Variants in PTPRO observed in about 807,000 individuals in gnomAD.
PTPRO encodes receptor-type tyrosine-protein phosphatase O.
PTPRO carries 62 observed loss-of-function variants against 145.2 expected under a neutral mutation model. That is an observed-to-expected ratio of 0.43 (90% CI 0.35 to 0.53). The LOEUF (loss-of-function observed/expected upper bound fraction) is 0.53. Among genes scored for constraint, PTPRO ranks in the 20% least tolerant of loss-of-function variants. PTPRO has a pLI of 0.01. For synonymous variants in PTPRO, 565 were observed against 514.7 expected, an observed-to-expected ratio of 1.10 and a Z score of -1.32; for missense variants, 1,345 against 1,482.7, an observed-to-expected ratio of 0.91 and a Z score of 1.53.
intron 17 of PTPRO, among the ~76,000 whole-genome samples, chr12:15,562,424 AC>A (rs2135589402): frequency 6.6e-6 from 1 of 152,282 alleles, no homozygotes; most frequent in East Asian, 1.9e-4. Flanking sequence ...CCAGACGCAC[AC>A]TGCCTAACAC....
Position 15,551,419 on chromosome 12 carries a change from G to C in PTPRO, c.2438-132G>C, listed in dbSNP as rs564352049. On this transcript the variant is annotated intron_variant, in intron 14 of 26. Transcript: ENST00000281171. ...AGGAAGAGGTCATTGCTGGCTTGGG[G>C]AACATGATTGTTACTATTATTGGTA... The C allele has an allele frequency of 1.3e-5, 15 of 1,195,816 alleles. No homozygotes were observed. The African/African-American group carries it at 1.9e-4, about 16-fold the overall frequency. 74.1% of individuals were successfully genotyped at this position (1,195,816 alleles called of 1,614,324 possible).
At chr12:15,458,522 C>T (rs987721123) in intron 1 of PTPRO, among the ~76,000 whole-genome samples, 1 of 151,610 alleles carries the variant, frequency 6.6e-6, no homozygotes, top group Admixed American at 6.6e-5. Flanking sequence ...GAGCTTTTAT[C>T]ACTCTTTTTC....
chr12:15,566,067 A>C, intron 18 of PTPRO, among the ~76,000 whole-genome samples: 1 of 152,214 alleles, frequency 6.6e-6, no homozygotes, highest in East Asian at 1.9e-4. Context: ...CTTTCTCAAG[A>C]AACCTGTATA....
At chr12:15,546,444 A>G (rs1024759638) in intron 12 of PTPRO, 125 bp from the exon 13 acceptor site, 3 of 1,499,658 alleles carry the variant, frequency 2.0e-6, no homozygotes, top group Admixed American at 4.5e-5. Flanking sequence ...AAGGCAATAT[A>G]AAGTCTTTAT....
chr12:15,464,884 A>T (rs1020776973), intron 1 of PTPRO, among the ~76,000 whole-genome samples: 2 of 152,212 alleles, frequency 1.3e-5, no homozygotes, highest in African/African-American at 4.8e-5. Flanking sequence ...CATTGTCATT[A>T]GAACTTGTAC....
chr12:15,515,737 A>G, intron 8 of PTPRO, 119 bp downstream of exon 8: 2 of 1,293,446 alleles, frequency 1.5e-6, no homozygotes, highest in Non-Finnish European at 2.2e-6. Flanking sequence ...TAGTTCATCC[A>G]ATATGCTACC....
intron 1 of PTPRO, among the ~76,000 whole-genome samples, chr12:15,362,071 A>G (rs1384014285): frequency 6.6e-6 from 1 of 152,146 alleles, no homozygotes; most frequent in Non-Finnish European, 1.5e-5. Flanking sequence ...CCTTCTCTCC[A>G]TTCTCATATC....
At chr12:15,381,132 A>G (rs1006692818) in intron 1 of PTPRO, among the ~76,000 whole-genome samples, 1 of 152,196 alleles carries the variant, frequency 6.6e-6, no homozygotes, top group Non-Finnish European at 1.5e-5. Context: ...TCTAGTTTCT[A>G]CAATTAATTA....
At chr12:15,552,054 G>A (rs570244352) in intron 15 of PTPRO, among the ~76,000 whole-genome samples, 2 of 107,216 alleles carry the variant, frequency 1.9e-5, no homozygotes, top group South Asian at 3.4e-4. Context: ...AAGAAAGAAC[G>A]GGGTGGGGGG....
chr12:15,458,770 G>A (rs1019190307), intron 1 of PTPRO, among the ~76,000 whole-genome samples: 1 of 151,818 alleles, frequency 6.6e-6, no homozygotes, highest in Non-Finnish European at 1.5e-5. Flanking sequence ...ACCTCATTGA[G>A]CATCTTTCTG....
rs1944685782 is a variant in PTPRO at position 15,597,728 on chromosome 12, T to A, written c.*1655T>A. 6.6e-6 allele frequency among the ~76,000 whole-genome samples: 1 copy of A among 152,206 alleles called. No individual in the cohort carries two copies. Among genetic ancestry groups the A allele is most frequent in the Admixed American group, 6.5e-5 (1 of 15,282 alleles). On this transcript the variant is annotated 3_prime_UTR_variant, in exon 27 of 27. Coordinates refer to ENST00000281171, the MANE Select transcript of PTPRO (RefSeq NM_030667.3). ...TACCCTGCAGGTTAACAGCTTGGGC[T>A]CCTCAGGGGTTGTCAGTTCCTACTC...
At chr12:15,336,683 G>A (rs1023734714) in intron 1 of PTPRO, among the ~76,000 whole-genome samples, 5 of 152,198 alleles carry the variant, frequency 3.3e-5, no homozygotes, top group Non-Finnish European at 7.3e-5. Flanking sequence ...GCATTTGGCA[G>A]TGTACTGATC....
In PTPRO at chr12:15,361,153, A is replaced by G. The variant is rs181597667; in HGVS notation, c.75+38352A>G. ...ATCACTTGCTGCAGAAATTCAGAAC[A>G]TGGGTCGGGCGTGGTGGCTCACGTC... On this transcript the variant is annotated intron_variant, in intron 1 of 26. Transcript: ENST00000281171. 1.1e-3 allele frequency among the ~76,000 whole-genome samples: 162 copies of G among 151,880 alleles called. 1 individual carries two copies. The highest frequency in any genetic ancestry group is 3.4e-3 in the Middle Eastern group (1 of 294).
intron 10 of PTPRO, among the ~76,000 whole-genome samples, chr12:15,524,033 C>T (rs773333810): frequency 6.6e-6 from 1 of 151,686 alleles, no homozygotes; most frequent in South Asian, 2.1e-4. Flanking sequence ...TGGACTCAAG[C>T]GATCCACCCA....
intron 2 of PTPRO, among the ~76,000 whole-genome samples, chr12:15,490,574 G>T (rs1941980010): frequency 1.3e-5 from 2 of 152,122 alleles, no homozygotes; most frequent in African/African-American, 4.8e-5. Flanking sequence ...AAAACAGGTG[G>T]CAGGGCAGAT....
intron 7 of PTPRO, among the ~76,000 whole-genome samples, chr12:15,514,474 G>GAAAAAACAGT (rs1942534456): frequency 7.7e-6 from 1 of 129,166 alleles, no homozygotes; most frequent in African/African-American, 2.9e-5. Flanking sequence ...AAAAAAAAAA[G>GAAAAAACAGT]AAAGAACAGT....
chr12:15,547,916 G>A (rs1943337215), intron 13 of PTPRO, among the ~76,000 whole-genome samples: 1 of 152,126 alleles, frequency 6.6e-6, no homozygotes, highest in Non-Finnish European at 1.5e-5. Flanking sequence ...ATCTTTTGCT[G>A]TTGTACAGTA....
chr12:15,343,142 T>A (rs1867062343), intron 1 of PTPRO, among the ~76,000 whole-genome samples: 1 of 152,112 alleles, frequency 6.6e-6, no homozygotes, highest in East Asian at 1.9e-4. Flanking sequence ...ATGAAAAACA[T>A]AAATATAATC....
At chr12:15,479,361 G>A (rs910505167) in intron 1 of PTPRO, among the ~76,000 whole-genome samples, 7 of 152,186 alleles carry the variant, frequency 4.6e-5, no homozygotes, top group Admixed American at 3.3e-4. Flanking sequence ...GCCAGCAGGG[G>A]AGGGGGTCTG....
Sources: gnomAD v4.1 joint callset for allele counts (sites outside exome capture counted in the v4.1 genomes callset) on GRCh38, gnomAD v4.1.1 for gene constraint, MANE v1.5 for transcripts, NCBI Gene and HGNC (gene_info 2026-07-23, HGNC 2026-07-21) for gene names.